The following ADGRL3 variants were observed in gnomAD, a reference collection of about 807,000 sequenced individuals.
The protein encoded by ADGRL3 is calcium-independent alpha-latrotoxin receptor 3.
Under a neutral mutation model 153.5 loss-of-function variants are expected in ADGRL3, and 62 were observed. The observed-to-expected ratio is 0.40, with a 90% CI of 0.33 to 0.50. The LOEUF is 0.50. Ranked by LOEUF, ADGRL3 falls within the 20% of genes least tolerant of loss-of-function variation. ADGRL3 has a pLI of 0.47. For synonymous variants in ADGRL3, 710 were observed against 672.5 expected, an observed-to-expected ratio of 1.06 and a Z score of -0.86; for missense variants, 1,641 against 1,859.4, an observed-to-expected ratio of 0.88 and a Z score of 2.16.
intron 11 of ADGRL3, chr4:61,906,453 G>C (rs1036910606): frequency 4.7e-4 from 71 of 152,076 alleles, no homozygotes; most frequent in Admixed American, 4.6e-3. Context: ...GAATCTGCCT[G>C]CAGAGTTTTA....
At position 61,926,724 on chromosome 4, in the gene ADGRL3, G is replaced by A. The variant is rs145292566; in HGVS notation, c.2113-8116G>A. On this transcript the variant is annotated intron_variant, in intron 13 of 26. Transcript: ENST00000683033. ...GGAATACACTCCACAAATATTAACC[G>A]TTACTGTATATTGCTCTATTACCTT... 2.6e-4 allele frequency among the ~76,000 whole-genome samples: 39 copies of A among 152,254 alleles called. No individual in the cohort carries two copies. In the East Asian group the frequency reaches 6.8e-3, roughly 26 times the overall value.
intron 1 of ADGRL3, among the ~76,000 whole-genome samples, chr4:61,308,059 A>T (rs2150465302): frequency 6.6e-6 from 1 of 152,340 alleles, no homozygotes; most frequent in African/African-American, 2.4e-5. Context: ...TCTGAAAACA[A>T]GAGCAATACT....
intron 17 of ADGRL3, among the ~76,000 whole-genome samples, chr4:61,966,684 T>C (rs1054684182): frequency 6.6e-6 from 1 of 151,952 alleles, no homozygotes; most frequent in Non-Finnish European, 1.5e-5. Context: ...CCCAGAAAAC[T>C]CTGTTTCAAT....
At chr4:62,011,430 TG>T (rs1358186954) in intron 21 of ADGRL3, among the ~76,000 whole-genome samples, 1 of 152,062 alleles carries the variant, frequency 6.6e-6, no homozygotes, top group Non-Finnish European at 1.5e-5. Context: ...CAGATTATTG[TG>T]GGTGTCTCTA....
chr4:62,014,887 C>A (rs1560508161), intron 21 of ADGRL3, among the ~76,000 whole-genome samples: 1 of 152,144 alleles, frequency 6.6e-6, no homozygotes, highest in Admixed American at 6.5e-5. Flanking sequence ...CAAATACCTC[C>A]CCTTTAAGCA....
At chr4:61,805,523 G>T (rs994877470) in intron 8 of ADGRL3, among the ~76,000 whole-genome samples, 7 of 152,030 alleles carry the variant, frequency 4.6e-5, no homozygotes, top group Admixed American at 6.6e-5. Flanking sequence ...TCTCCTGCTA[G>T]TTCTCCTTTG....
At chr4:61,764,611 G>A (rs1367706618) in intron 8 of ADGRL3, among the ~76,000 whole-genome samples, 1 of 152,124 alleles carries the variant, frequency 6.6e-6, no homozygotes, top group African/African-American at 2.4e-5. Context: ...CACTTCTTTT[G>A]TGATTCTTTA....
chr4:61,841,322 A>T (rs946556764), intron 9 of ADGRL3, among the ~76,000 whole-genome samples: 5 of 152,194 alleles, frequency 3.3e-5, no homozygotes, highest in Admixed American at 2.6e-4. Flanking sequence ...ATTTGCATAT[A>T]AATTAGGTCA....
intron 26 of ADGRL3, among the ~76,000 whole-genome samples, chr4:62,068,567 T>A (rs999475197): frequency 1.3e-5 from 2 of 152,184 alleles, no homozygotes; most frequent in Non-Finnish European, 2.9e-5. Context: ...CCGTACCTAA[T>A]GCATTGACAA....
intron 4 of ADGRL3, among the ~76,000 whole-genome samples, chr4:61,573,344 C>T (rs1417049124): frequency 6.6e-6 from 1 of 151,878 alleles, no homozygotes; most frequent in Non-Finnish European, 1.5e-5. Flanking sequence ...TTAAATATAT[C>T]TGCATTCATC....
intron 1 of ADGRL3, among the ~76,000 whole-genome samples, chr4:61,374,453 T>C (rs1411611346): frequency 6.6e-6 from 1 of 152,160 alleles, no homozygotes; most frequent in Non-Finnish European, 1.5e-5. Context: ...TGATTCAGGC[T>C]TGTAAGTTAC....
Position 62,070,744 on chromosome 4 carries a change from A to G in ADGRL3, c.4468A>G (p.Lys1490Glu), listed in dbSNP as rs1293140886. The G allele has an allele frequency of 2.1e-5, 32 of 1,551,492 alleles. No individual in the cohort carries two copies. Among genetic ancestry groups the G allele is most frequent in the Non-Finnish European group, 2.7e-5 (31 of 1,146,974 alleles). Residue 1490 changes from lysine to glutamate, a missense_variant, in exon 27 of 27, where the codon AAA becomes GAA. Lys to Glu is a moderately conservative substitution (Grantham distance 56). Transcript: ENST00000683033. ...TGGTGATGCCGAAGATGTTTACTAC[A>G]AAAGCATGCCAAACCTAGGCTCCAG... is the stretch of plus-strand genomic sequence containing the variant. ...KCGDAEDVYY[K>E]SMPNLGSRNH...
intron 1 of ADGRL3, among the ~76,000 whole-genome samples, chr4:61,223,899 G>A (rs1026553972): frequency 6.6e-6 from 1 of 152,136 alleles, no homozygotes; most frequent in East Asian, 1.9e-4. Flanking sequence ...TTTATAAAAT[G>A]CTAGGTAAGT....
intron 1 of ADGRL3, among the ~76,000 whole-genome samples, chr4:61,245,367 C>T (rs527631161): frequency 1.3e-5 from 2 of 152,122 alleles, no homozygotes; most frequent in South Asian, 4.1e-4. Context: ...TAAAAAATTT[C>T]TTCTCCAGAT....
chr4:61,818,122 C>G (rs1376319434), intron 9 of ADGRL3, among the ~76,000 whole-genome samples: 1 of 152,122 alleles, frequency 6.6e-6, no homozygotes, highest in Admixed American at 6.5e-5. Flanking sequence ...CAAGGCAAGT[C>G]CCTTCTGCCT....
intron 3 of ADGRL3, among the ~76,000 whole-genome samples, chr4:61,514,508 C>T (rs1403370059): frequency 6.6e-6 from 1 of 152,128 alleles, no homozygotes; most frequent in African/African-American, 2.4e-5. Context: ...GTATAGTACA[C>T]ACATATTTTT....
chr4:61,786,020 T>C (rs1001753579), intron 8 of ADGRL3, among the ~76,000 whole-genome samples: 1 of 152,160 alleles, frequency 6.6e-6, no homozygotes, highest in African/African-American at 2.4e-5. Context: ...TGTAGTGTTA[T>C]ATAATTAGAC....
At chr4:61,921,916 GC>G (rs1161162395) in intron 13 of ADGRL3, among the ~76,000 whole-genome samples, 3 of 152,152 alleles carry the variant, frequency 2.0e-5, no homozygotes, top group African/African-American at 7.2e-5. Flanking sequence ...AGGATCACAA[GC>G]TAGATTTGGG....
intron 21 of ADGRL3, among the ~76,000 whole-genome samples, chr4:62,019,482 T>C (rs1414647024): frequency 6.6e-6 from 1 of 152,128 alleles, no homozygotes; most frequent in Non-Finnish European, 1.5e-5. Flanking sequence ...TATTTTGTGA[T>C]GTAGCTTTTT....
Sources: allele counts gnomAD v4.1 joint callset (sites outside exome capture counted in the v4.1 genomes callset), GRCh38; gene constraint gnomAD v4.1.1; transcripts MANE v1.5; gene names NCBI Gene and HGNC (gene_info 2026-07-23, HGNC 2026-07-21).